The following ANKRD44 variants were observed in gnomAD, a reference collection of about 807,000 sequenced individuals.
ANKRD44 encodes ankyrin repeat domain 44, also known as serine/threonine-protein phosphatase 6 regulatory ankyrin repeat subunit B.
In ANKRD44, 35 loss-of-function variants were observed where a neutral mutation model predicts 116.0. The ratio of observed to expected loss-of-function variants is 0.30; its 90% confidence interval spans 0.23 to 0.40. The LOEUF (loss-of-function observed/expected upper bound fraction) is 0.40, where lower values mean the gene tolerates loss of function less well. ANKRD44 is among the 10% of genes least tolerant of loss of function. The pLI is 1.00. For synonymous variants in ANKRD44, 435 were observed against 461.8 expected (o/e 0.94, Z 0.74); for missense variants, 1,014 against 1,242.6 (o/e 0.82, Z 2.77).
At chr2:197,155,859 G>A (rs1481360692) in intron 2 of ANKRD44, among the ~76,000 whole-genome samples, 3 of 152,124 alleles carry the variant, frequency 2.0e-5, no homozygotes, top group African/African-American at 7.2e-5. Flanking sequence ...GAAACACACT[G>A]GTAAGAGAAT....
At chr2:197,144,575 T>C (rs2079449399) in intron 3 of ANKRD44, among the ~76,000 whole-genome samples, 1 of 152,130 alleles carries the variant, frequency 6.6e-6, no homozygotes, top group South Asian at 2.1e-4. Context: ...TTCCCAATGC[T>C]CCCCATGCCC....
chr2:197,032,877 ACT>A (rs1213604506), intron 16 of ANKRD44, among the ~76,000 whole-genome samples: 1 of 152,108 alleles, frequency 6.6e-6, no homozygotes, highest in Non-Finnish European at 1.5e-5. Flanking sequence ...GTCAAGGATG[ACT>A]CTGAATTGTC....
At chr2:197,233,771 C>T (rs2081918490) in intron 1 of ANKRD44, among the ~76,000 whole-genome samples, 1 of 152,226 alleles carries the variant, frequency 6.6e-6, no homozygotes, top group African/African-American at 2.4e-5. Flanking sequence ...TTCAACTGTT[C>T]TAGCAGTTTT....
At chr2:197,056,577 G>A (rs1405162996) in intron 16 of ANKRD44, among the ~76,000 whole-genome samples, 9 of 152,020 alleles carry the variant, frequency 5.9e-5, no homozygotes, top group Non-Finnish European at 7.4e-5. Flanking sequence ...TATGCAAAGG[G>A]CAAAGTCATT....
chr2:196,983,978 CT>C (rs1338633151), downstream of ANKRD44, among the ~76,000 whole-genome samples: 11 of 152,324 alleles, frequency 7.2e-5, no homozygotes, highest in African/African-American at 2.2e-4. Flanking sequence ...ATCTTCTCCC[CT>C]GGAAAAATAC....
At chr2:197,042,580 A>G (rs1221563921) in intron 16 of ANKRD44, among the ~76,000 whole-genome samples, 1 of 151,994 alleles carries the variant, frequency 6.6e-6, no homozygotes. Context: ...CGGGGAAGAC[A>G]GGCATTCTGC....
intron 1 of ANKRD44, among the ~76,000 whole-genome samples, chr2:197,204,544 A>G (rs557275909): frequency 1.8e-4 from 27 of 152,184 alleles, no homozygotes; most frequent in Non-Finnish European, 3.4e-4. Flanking sequence ...GAAGGCTGCA[A>G]CAATCTGGAG....
At chr2:197,235,731 C>T (rs780689859) in intron 1 of ANKRD44, among the ~76,000 whole-genome samples, 5 of 149,554 alleles carry the variant, frequency 3.3e-5, no homozygotes, top group Non-Finnish European at 7.4e-5. Context: ...ACAAATAATA[C>T]AATACAAATA....
chr2:197,162,269 C>G (rs2079984461), intron 2 of ANKRD44, among the ~76,000 whole-genome samples: 2 of 152,172 alleles, frequency 1.3e-5, no homozygotes, highest in Admixed American at 1.3e-4. Flanking sequence ...CTCTTCCCAC[C>G]CTAAATGTGA....
At chr2:197,126,858 TC>T (rs2078987305) in intron 4 of ANKRD44, among the ~76,000 whole-genome samples, 1 of 4,362 alleles carries the variant, frequency 2.3e-4, no homozygotes, top group East Asian at 0.17. Flanking sequence ...GTTGTGGACC[TC>T]TCTAAATCCT....
chr2:197,147,626 G>T (rs2079538407), intron 2 of ANKRD44, among the ~76,000 whole-genome samples: 1 of 151,978 alleles, frequency 6.6e-6, no homozygotes, highest in Non-Finnish European at 1.5e-5. Context: ...CTTACTGAAT[G>T]CTTACTCTAT....
intron 21 of ANKRD44, among the ~76,000 whole-genome samples, chr2:196,968,155 C>T (rs879559710): frequency 6.6e-6 from 1 of 152,178 alleles, no homozygotes; most frequent in Non-Finnish European, 1.5e-5. Context: ...GCCTAATACA[C>T]TTCTATATCA....
At chr2:197,037,600 T>A (rs2376196) in intron 16 of ANKRD44, among the ~76,000 whole-genome samples, 137,973 of 152,308 alleles carry the variant, frequency 0.91, 62,555 homozygotes, top group East Asian at 1. Flanking sequence ...ATTACCAAAA[T>A]CATTGCTGGT....
chr2:196,969,035 C>T (rs1256522478), intron 21 of ANKRD44, among the ~76,000 whole-genome samples: 11 of 152,148 alleles, frequency 7.2e-5, no homozygotes, highest in Non-Finnish European at 1.6e-4. Flanking sequence ...GCCACTCATA[C>T]ATTCACTTAT....
At chr2:196,991,901 A>T (rs1466779994) in intron 27 of ANKRD44, among the ~76,000 whole-genome samples, 1 of 152,148 alleles carries the variant, frequency 6.6e-6, no homozygotes, top group Non-Finnish European at 1.5e-5. Flanking sequence ...CTAACAGAAT[A>T]TTTAAAAATG....
chr2:197,000,311 T>G, intron 23 of ANKRD44, 108 bp downstream of exon 23: 1 of 837,962 alleles, frequency 1.2e-6, no homozygotes, highest in South Asian at 1.6e-5. Context: ...AAAACCATGC[T>G]TATCCATTAT....
At chr2:197,019,050 C>G (rs1431841703) in intron 17 of ANKRD44, among the ~76,000 whole-genome samples, 2 of 152,126 alleles carry the variant, frequency 1.3e-5, no homozygotes, top group East Asian at 3.9e-4. Context: ...AGTTGACTTC[C>G]AGACAAAATT....
intron 25 of ANKRD44, among the ~76,000 whole-genome samples, chr2:196,997,404 AT>A (rs2076032174): frequency 6.7e-6 from 1 of 149,678 alleles, no homozygotes; most frequent in Non-Finnish European, 1.5e-5. Context: ...AATCATATAT[AT>A]GATATAAAAG....
intron 21 of ANKRD44, among the ~76,000 whole-genome samples, chr2:196,970,303 C>T (rs2075706287): frequency 6.6e-6 from 1 of 152,104 alleles, no homozygotes; most frequent in Admixed American, 6.5e-5. Context: ...TTGGCAGTTT[C>T]TCTGTTGACT....
Sources: gnomAD v4.1 joint callset for allele counts (sites outside exome capture counted in the v4.1 genomes callset) on GRCh38, gnomAD v4.1.1 for gene constraint, MANE v1.5 for transcripts, NCBI Gene and HGNC (gene_info 2026-07-23, HGNC 2026-07-21) for gene names.